RABGAP1L: variants seen among roughly 807,000 people sequenced by gnomAD.
RABGAP1L encodes the protein rab GTPase-activating protein 1-like.
A neutral mutation model predicts 137.7 loss-of-function variants in RABGAP1L; 63 were observed. The ratio of observed to expected loss-of-function variants is 0.46; its 90% CI spans 0.37 to 0.56. RABGAP1L has a LOEUF of 0.56. RABGAP1L is among the 20% of genes least tolerant of loss of function. The pLI is 0.00. For synonymous variants in RABGAP1L, 431 were observed against 433.7 expected (o/e 0.99, Z 0.08); for missense variants, 1,095 against 1,244.0 (o/e 0.88, Z 1.80).
intron 19 of RABGAP1L, among the ~76,000 whole-genome samples, chr1:174,843,483 T>C (rs1693686815): frequency 1.3e-5 from 2 of 148,166 alleles, no homozygotes; most frequent in Non-Finnish European, 3.0e-5. Flanking sequence ...CGGTGTTTGG[T>C]TTTTTGTTCT....
Position 174,375,291 on chromosome 1 carries a change from A to G in RABGAP1L, c.1559+4219A>G, listed in dbSNP as rs537728233. Among the ~76,000 whole-genome samples the G allele has an allele frequency of 7.9e-5, 12 of 152,140 alleles. No homozygotes were observed. In the South Asian group the frequency reaches 1.5e-3, roughly 18 times the overall value. Reference sequence around the variant, plus strand: ...ATTATACTAGAAAACAAGTCTGTCAATGATCTAAGCTTCTATCTTTAGATA... The same window carrying G: ...ATTATACTAGAAAACAAGTCTGTCAGTGATCTAAGCTTCTATCTTTAGATA... On this transcript the variant is annotated intron_variant, in intron 12 of 25. Transcript: ENST00000681986.
chr1:174,833,638 C>CGAA (rs1411978332), intron 19 of RABGAP1L, among the ~76,000 whole-genome samples: 3 of 150,638 alleles, frequency 2.0e-5, no homozygotes, highest in African/African-American at 7.3e-5. Context: ...TCCACTCATT[C>CGAA]TTTCACTTAA....
At position 174,493,376 on chromosome 1, in the gene RABGAP1L, C is replaced by T. The variant is rs181418053; in HGVS notation, c.1710+99231C>T. ...GAAAAATATATAAGAAAATTTATAT[C>T]TAGAATAACACTCATGAAATTTACT... On this transcript the variant is annotated intron_variant, in intron 13 of 25. Transcript: ENST00000681986. 4.0e-3 allele frequency among the ~76,000 whole-genome samples: 610 copies of T among 150,874 alleles called. 3 individuals are homozygous for T. Among genetic ancestry groups the T allele is most frequent in the Middle Eastern group, 0.014 (4 of 292 alleles).
intron 19 of RABGAP1L, among the ~76,000 whole-genome samples, chr1:174,923,734 A>G (rs1662188751): frequency 6.6e-6 from 1 of 152,030 alleles, no homozygotes. Flanking sequence ...TACAAAAATT[A>G]GCTGAGTGTG....
At chr1:174,596,811 T>C (rs1669968446) in intron 13 of RABGAP1L, among the ~76,000 whole-genome samples, 1 of 152,160 alleles carries the variant, frequency 6.6e-6, no homozygotes, top group Non-Finnish European at 1.5e-5. Context: ...GGAGGAAAGA[T>C]TTTCAGGTTT....
intron 19 of RABGAP1L, among the ~76,000 whole-genome samples, chr1:174,948,404 C>T (rs906990759): frequency 6.6e-6 from 1 of 150,510 alleles, no homozygotes; most frequent in African/African-American, 2.5e-5. Context: ...TGCTTGTAGT[C>T]CCAGCTACAG....
At chr1:174,518,326 A>G (rs763035136) in intron 13 of RABGAP1L, among the ~76,000 whole-genome samples, 3 of 152,066 alleles carry the variant, frequency 2.0e-5, no homozygotes, top group Non-Finnish European at 4.4e-5. Context: ...ACAGACGCCA[A>G]CCTCCAGGAT....
chr1:174,489,144 A>G (rs550368908), intron 13 of RABGAP1L, among the ~76,000 whole-genome samples: 2 of 152,090 alleles, frequency 1.3e-5, no homozygotes, highest in South Asian at 4.2e-4. Context: ...TAAAACACCA[A>G]AAACAATGGC....
chr1:174,419,047 AAATT>A (rs1162876478), intron 13 of RABGAP1L, among the ~76,000 whole-genome samples: 1 of 152,148 alleles, frequency 6.6e-6, no homozygotes, highest in Non-Finnish European at 1.5e-5. Flanking sequence ...CTAAATAAAT[AAATT>A]AATTAAGAAT....
chr1:174,816,898 T>G (rs947544578), intron 19 of RABGAP1L, among the ~76,000 whole-genome samples: 1 of 152,142 alleles, frequency 6.6e-6, no homozygotes, highest in Non-Finnish European at 1.5e-5. Context: ...GCCTGGCTAA[T>G]TTTTTGTGTT....
intron 13 of RABGAP1L, among the ~76,000 whole-genome samples, chr1:174,481,240 A>G (rs1005980074): frequency 2.6e-5 from 4 of 152,222 alleles, no homozygotes; most frequent in Admixed American, 2.0e-4. Context: ...TCAGTGATAC[A>G]CTAATTAAAA....
At chr1:174,923,936 C>T (rs981641853) in intron 19 of RABGAP1L, among the ~76,000 whole-genome samples, 2 of 150,940 alleles carry the variant, frequency 1.3e-5, no homozygotes. Context: ...TAGCTTTTGT[C>T]ACCTCTAAGA....
intron 1 of RABGAP1L, among the ~76,000 whole-genome samples, chr1:174,212,847 A>G (rs1669004273): frequency 6.6e-6 from 1 of 152,138 alleles, no homozygotes; most frequent in Non-Finnish European, 1.5e-5. Context: ...TCAGAGATGA[A>G]AAAGGAGGCA....
intron 18 of RABGAP1L, among the ~76,000 whole-genome samples, chr1:174,801,466 A>G (rs966865135): frequency 6.6e-6 from 1 of 152,162 alleles, no homozygotes; most frequent in Admixed American, 6.5e-5. Flanking sequence ...GTCTTTATGT[A>G]TGTATTTACA....
chr1:174,598,136 C>T (rs1670113447), intron 13 of RABGAP1L, among the ~76,000 whole-genome samples: 1 of 152,026 alleles, frequency 6.6e-6, no homozygotes, highest in Admixed American at 6.6e-5. Flanking sequence ...CAAGGCTATC[C>T]TGGCCAACAT....
intron 19 of RABGAP1L, among the ~76,000 whole-genome samples, chr1:174,903,478 T>C (rs1223308230): frequency 6.6e-6 from 1 of 152,224 alleles, no homozygotes; most frequent in Non-Finnish European, 1.5e-5. Flanking sequence ...TATTTGACAA[T>C]GGACTTTGTA....
intron 13 of RABGAP1L, among the ~76,000 whole-genome samples, chr1:174,607,830 T>A (rs1023195732): frequency 2.6e-5 from 4 of 152,258 alleles, no homozygotes; most frequent in African/African-American, 4.8e-5. Context: ...ATGTGTGTTT[T>A]AGAAACCTGT....
At chr1:174,341,047 C>G (rs981777190) in intron 11 of RABGAP1L, among the ~76,000 whole-genome samples, 4 of 151,958 alleles carry the variant, frequency 2.6e-5, no homozygotes, top group Non-Finnish European at 4.4e-5. Flanking sequence ...TGTTAGTTGG[C>G]TGCATGAATG....
chr1:174,438,877 T>G (rs1653791495), intron 13 of RABGAP1L, among the ~76,000 whole-genome samples: 1 of 151,000 alleles, frequency 6.6e-6, no homozygotes. Context: ...TTTAAATGAT[T>G]TATTGTTTTT....
Sources: gnomAD v4.1 joint callset for allele counts (sites outside exome capture counted in the v4.1 genomes callset) on GRCh38, gnomAD v4.1.1 for gene constraint, MANE v1.5 for transcripts, NCBI Gene and HGNC (gene_info 2026-07-23, HGNC 2026-07-21) for gene names.